The following ZNF791 variants were observed in gnomAD, a reference collection of about 807,000 sequenced individuals.
The protein encoded by ZNF791 is zinc finger protein 791.
Under a neutral mutation model 11.5 loss-of-function variants are expected in ZNF791, and 4 were observed. The ratio of observed to expected loss-of-function variants is 0.35; its 90% CI spans 0.17 to 0.80. The LOEUF is 0.80. Among genes scored for constraint, ZNF791 ranks in the 30% least tolerant of loss-of-function variants. ZNF791 has a pLI of 0.53. For synonymous variants in ZNF791, 212 were observed against 228.1 expected (o/e 0.93, Z 0.64); for missense variants, 559 against 699.4 (o/e 0.80, Z 2.26).
intron 1 of ZNF791, among the ~76,000 whole-genome samples, chr19:12,617,127 CT>C (rs755839252): frequency 0.013 from 1,837 of 137,000 alleles, 10 homozygotes; most frequent in African/African-American, 0.028. Flanking sequence ...CTTTTTTCTT[CT>C]TTTTTTTTTT....
intron 2 of ZNF791, among the ~76,000 whole-genome samples, chr19:12,624,308 A>G (rs1331121847): frequency 6.6e-6 from 1 of 151,264 alleles, no homozygotes; most frequent in African/African-American, 2.4e-5. Context: ...GCCCACCACC[A>G]TGCCCGGCTA....
chr19:12,620,754 C>CTTTTTTTTTTT (rs1051381342), intron 1 of ZNF791, among the ~76,000 whole-genome samples: 7 of 83,452 alleles, frequency 8.4e-5, no homozygotes, highest in African/African-American at 3.2e-4. Context: ...GATTTATGTT[C>CTTTTTTTTTTT]TTTTTTTTTT....
At chr19:12,614,376 G>A (rs1337427381) in intron 1 of ZNF791, among the ~76,000 whole-genome samples, 2 of 151,776 alleles carry the variant, frequency 1.3e-5, no homozygotes, top group Non-Finnish European at 2.9e-5. Flanking sequence ...TAGGATTACA[G>A]GTGTGTGCCA....
Position 12,611,014 on chromosome 19 carries a change from G to A in ZNF791, c.-66G>A. 1.2e-6 allele frequency: 2 copies of A among 1,612,050 alleles called. No individual in the cohort carries two copies. The highest frequency in any genetic ancestry group is 1.7e-5 in the Admixed American group (1 of 59,960). On this transcript the variant is annotated 5_prime_UTR_variant, in exon 1 of 4. It removes an upstream start codon present in the reference 5' UTR. Transcript: ENST00000343325. Reference sequence around the variant, plus strand: ...AGGTTGCTGTACCCCTGCATCGGATGCGCTGTACCCTGCGCTGGCTCCGTG... The same window carrying A: ...AGGTTGCTGTACCCCTGCATCGGATACGCTGTACCCTGCGCTGGCTCCGTG...
rs2023490587 is a variant in ZNF791 at position 12,630,509 on chromosome 19, TAA to T, written c.*1250_*1251del. The T allele has an allele frequency of 6.6e-6, 1 of 152,186 alleles. No homozygotes were observed. Among genetic ancestry groups the T allele is most frequent in the African/African-American group, 2.4e-5 (1 of 41,444 alleles). 9.4% of individuals were successfully genotyped at this position (152,186 alleles called of 1,614,324 possible). A position where few individuals can be genotyped will look rare whatever the true frequency, so the allele number is the denominator to read the frequency against. On this transcript the variant is annotated 3_prime_UTR_variant, in exon 4 of 4. Transcript: ENST00000343325. ...CAATATATACTTGATAATAAATGGC[TAA>T]GTTACTGGTTTATATATTTACAATC... is the stretch of plus-strand genomic sequence containing the variant.
At position 12,612,344 on chromosome 19, in the gene ZNF791, T is replaced by G. The variant is rs1304482875; in HGVS notation, c.3+1262T>G. On this transcript the variant is annotated intron_variant, in intron 1 of 3. Coordinates refer to ENST00000343325, the MANE Select transcript of ZNF791 (RefSeq NM_153358.3). Reference sequence around the variant, plus strand: ...ATGAGCTACTATTACCGGCCCAACATTCTCATTTTCTGAAAGCAATAGTGG... The same window carrying G: ...ATGAGCTACTATTACCGGCCCAACAGTCTCATTTTCTGAAAGCAATAGTGG... The G allele has an allele frequency of 5.8e-5, 9 of 154,176 alleles. No homozygotes were observed. In the East Asian group the frequency reaches 1.7e-3, roughly 30 times the overall value. The allele number at this position is 154,176 out of a possible 1,614,324, so 9.6% of individuals were successfully genotyped here.
At position 12,632,864 on chromosome 19, in the gene ZNF791, G is replaced by C. The variant is rs1205024609; in HGVS notation, c.*3604G>C. On this transcript the variant is annotated 3_prime_UTR_variant, in exon 4 of 4. Coordinates refer to ENST00000343325, the MANE Select transcript of ZNF791 (RefSeq NM_153358.3). ...TAATCCCAGCACTTTGGGAGGCCGAGGTGGGCGGATCACGAAGTCAGGAGA... is the reference window on the plus strand; with the variant it reads ...TAATCCCAGCACTTTGGGAGGCCGACGTGGGCGGATCACGAAGTCAGGAGA... 6.6e-6 allele frequency: 1 copy of C among 152,078 alleles called. No individual in the cohort carries two copies. Among genetic ancestry groups the C allele is most frequent in the Non-Finnish European group, 1.5e-5 (1 of 68,034 alleles). 9.4% of individuals were successfully genotyped at this position (152,078 alleles called of 1,614,324 possible).
chr19:12,623,440 T>C (rs2023382598), intron 1 of ZNF791: 3 of 429,380 alleles, frequency 7.0e-6, no homozygotes, highest in East Asian at 8.5e-5. Context: ...GATCCTAAAA[T>C]TTGTCTCATT....
chr19:12,617,016 G>A (rs2023253330), intron 1 of ZNF791, among the ~76,000 whole-genome samples: 1 of 151,992 alleles, frequency 6.6e-6, no homozygotes, highest in Non-Finnish European at 1.5e-5. Flanking sequence ...TTTTGTGGGT[G>A]TATGAGAGTT....
intron 1 of ZNF791, among the ~76,000 whole-genome samples, chr19:12,619,326 A>C (rs1460623920): frequency 5.9e-5 from 9 of 152,184 alleles, no homozygotes; most frequent in Admixed American, 5.9e-4. Context: ...TAGTTGGAAA[A>C]AAATTACTGG....
At chr19:12,611,515 C>G (rs78456831) in intron 1 of ZNF791, among the ~76,000 whole-genome samples, 4,969 of 152,250 alleles carry the variant, frequency 0.033, 290 homozygotes, top group African/African-American at 0.11. Flanking sequence ...GGATCCCTCC[C>G]CGAATTCCCA....
chr19:12,621,489 GAT>G (rs3057758), intron 1 of ZNF791, among the ~76,000 whole-genome samples: 1 of 150,186 alleles, frequency 6.7e-6, no homozygotes, highest in Non-Finnish European at 1.5e-5. Flanking sequence ...AACACATAGG[GAT>G]ATATATATAT....
chr19:12,612,206 CTT>C (rs766573356), intron 1 of ZNF791: 3,407 of 610,740 alleles, frequency 5.6e-3, no homozygotes, highest in Non-Finnish European at 6.3e-3. Context: ...TTATTATTTT[CTT>C]TTTTTTTTTT....
chr19:12,626,911 A>T (rs1395180018), intron 3 of ZNF791, among the ~76,000 whole-genome samples: 2 of 152,154 alleles, frequency 1.3e-5, no homozygotes, highest in African/African-American at 4.8e-5. Flanking sequence ...GCCCAGAAAC[A>T]GTACTTTAAA....
chr19:12,626,371 G>C lies in ZNF791; in HGVS notation c.192-1350G>C, dbSNP rs1048105726. 4.8e-5 allele frequency among the ~76,000 whole-genome samples: 7 copies of C among 146,656 alleles called. No homozygotes were observed. In the Admixed American group the frequency reaches 4.8e-4, roughly 10 times the overall value. On this transcript the variant is annotated intron_variant, in intron 3 of 3. Coordinates refer to ENST00000343325, the MANE Select transcript of ZNF791 (RefSeq NM_153358.3). The stretch of plus-strand genomic sequence containing the variant: ...TCACTATGTTGGCCTGGATGGTCTC[G>C]ATCTCCTGACCTCGTGATCTGCCCG...
In ZNF791 at chr19:12,627,790, T is replaced by C. The variant is rs375711990; in HGVS notation, c.261T>C (p.Asn87=). 54 of 1,613,994 alleles carry C rather than the reference T, an allele frequency of 3.3e-5. No individual in the cohort carries two copies. The highest frequency in any genetic ancestry group is 4.3e-5 in the Non-Finnish European group (51 of 1,179,976). Residue 87 remains asparagine, a synonymous_variant, in exon 4 of 4, where the codon AAT becomes AAC. Coordinates refer to ENST00000343325, the MANE Select transcript of ZNF791 (RefSeq NM_153358.3). ...AATGTGCAGAAAACTTCAGTCCCAA[T>C]CTCAGTGTGACGAAGAAGACTGCCG... ...GSQCAENFSP[N]LSVTKKTAGV... is the part of the protein sequence containing the mutation.
rs2023490416 is a variant in ZNF791 at position 12,630,489 on chromosome 19, T to C, written c.*1229T>C. The C allele has an allele frequency of 6.6e-6, 1 of 152,146 alleles. No individual in the cohort carries two copies. Among genetic ancestry groups the C allele is most frequent in the Non-Finnish European group, 1.5e-5 (1 of 68,038 alleles). The allele number at this position is 152,146 out of a possible 1,614,324, so 9.4% of individuals were successfully genotyped here. On this transcript the variant is annotated 3_prime_UTR_variant, in exon 4 of 4. Coordinates refer to ENST00000343325, the MANE Select transcript of ZNF791 (RefSeq NM_153358.3). ...AAAATTACAGCACAGATGTGCAATA[T>C]ATACTTGATAATAAATGGCTAAGTT...
chr19:12,614,263 TCA>T (rs907925784), intron 1 of ZNF791, among the ~76,000 whole-genome samples: 185 of 152,306 alleles, frequency 1.2e-3, no homozygotes, highest in African/African-American at 4.3e-3. Flanking sequence ...AGACCGAGTC[TCA>T]CTCTGTTGCC....
At chr19:12,621,768 G>GGGGGT (rs2023351694) in intron 1 of ZNF791, among the ~76,000 whole-genome samples, 1 of 127,658 alleles carries the variant, frequency 7.8e-6, no homozygotes, top group African/African-American at 3.2e-5. Context: ...GAGGGAGGTG[G>GGGGGT]GGGGGGTCAG....
Sources: gnomAD v4.1 joint callset for allele counts (sites outside exome capture counted in the v4.1 genomes callset) on GRCh38, gnomAD v4.1.1 for gene constraint, MANE v1.5 for transcripts, NCBI Gene and HGNC (gene_info 2026-07-23, HGNC 2026-07-21) for gene names.